Variants in NARS2 observed in about 807,000 individuals in gnomAD.
The protein encoded by NARS2 is asparaginyl-tRNA synthetase.
A neutral mutation model predicts 62.9 loss-of-function variants in NARS2; 60 were observed. The ratio of observed to expected loss-of-function variants is 0.95; its 90% CI spans 0.77 to 1.18. The LOEUF is 1.18. NARS2 is among the 50% of genes most tolerant of loss of function. NARS2 has a pLI of 0.00. For missense variants in NARS2, 619 were observed against 576.4 expected (o/e 1.07, Z -0.76); for synonymous variants, 196 against 200.0 (o/e 0.98, Z 0.17).
chr11:78,563,467 C>T (rs571625403), intron 4 of NARS2, among the ~76,000 whole-genome samples: 3 of 151,906 alleles, frequency 2.0e-5, no homozygotes, highest in Admixed American at 2.0e-4. Context: ...CTGCCTGCCT[C>T]GGCCTCCCAA....
chr11:78,488,347 G>A (rs1859667816), intron 7 of NARS2, among the ~76,000 whole-genome samples: 1 of 152,118 alleles, frequency 6.6e-6, no homozygotes, highest in Non-Finnish European at 1.5e-5. Flanking sequence ...TTACGTGAAA[G>A]AGGGAGGCAT....
At chr11:78,505,269 TACACACACACACACACACACACAC>T (rs10533814) in intron 6 of NARS2, among the ~76,000 whole-genome samples, 16 of 133,344 alleles carry the variant, frequency 1.2e-4, no homozygotes, top group South Asian at 5.0e-4. Context: ...GAAAACAAAA[TACACACACACACACACACACACAC>T]ACACACACAC....
chr11:78,468,541 A>G (rs1232072398), intron 10 of NARS2, among the ~76,000 whole-genome samples: 1 of 150,726 alleles, frequency 6.6e-6, no homozygotes, highest in East Asian at 2.0e-4. Context: ...AGTAGCTGGG[A>G]CTACAGGCGC....
intron 6 of NARS2, among the ~76,000 whole-genome samples, chr11:78,494,474 T>C (rs1458577793): frequency 2.0e-5 from 3 of 149,200 alleles, no homozygotes; most frequent in African/African-American, 7.3e-5. Flanking sequence ...TTTTTCTTTT[T>C]TTTTTTTTTT....
intron 1 of NARS2, 92 bp downstream of exon 1, chr11:78,574,256 T>G: frequency 6.5e-7 from 1 of 1,536,408 alleles, no homozygotes; most frequent in Non-Finnish European, 9.0e-7. Context: ...CTGGCGGTTG[T>G]GTCTGACCCG....
intron 1 of NARS2, among the ~76,000 whole-genome samples, chr11:78,572,332 C>T (rs988786400): frequency 2.6e-5 from 4 of 152,112 alleles, no homozygotes; most frequent in Admixed American, 2.6e-4. Flanking sequence ...AAAAACTTAA[C>T]GAAGTGGTTA....
intron 5 of NARS2, among the ~76,000 whole-genome samples, chr11:78,530,288 A>G (rs985352480): frequency 1.3e-5 from 2 of 152,144 alleles, no homozygotes; most frequent in Admixed American, 6.6e-5. Flanking sequence ...CTGTTCTCTG[A>G]TATTTCTTCA....
rs796905648 is a variant in NARS2 at position 78,439,973 on chromosome 11, G to A, written c.1289+1118C>T. ...TAAGCAGCTTGGATTTCTATAGTTC[G>A]TGGGGGCATTAGGGATCACTTAGCT... On this transcript the variant is annotated intron_variant, in intron 13 of 13. Coordinates refer to ENST00000281038, the MANE Select transcript of NARS2 (RefSeq NM_024678.6). Among the ~76,000 whole-genome samples the A allele has an allele frequency of 4.6e-5, 7 of 152,310 alleles. No individual in the cohort carries two copies. In the East Asian group the frequency reaches 1.3e-3, roughly 29 times the overall value.
At chr11:78,532,347 T>C (rs974676516) in intron 5 of NARS2, among the ~76,000 whole-genome samples, 1 of 152,116 alleles carries the variant, frequency 6.6e-6, no homozygotes, top group Non-Finnish European at 1.5e-5. Flanking sequence ...AAATGACAGA[T>C]TATGAATGAA....
At chr11:78,500,396 G>GT (rs1860236073) in intron 6 of NARS2, among the ~76,000 whole-genome samples, 1 of 152,198 alleles carries the variant, frequency 6.6e-6, no homozygotes, top group East Asian at 1.9e-4. Flanking sequence ...CAACTATATG[G>GT]TAAGAGAACA....
intron 11 of NARS2, among the ~76,000 whole-genome samples, chr11:78,461,782 A>G (rs1183877052): frequency 8.6e-6 from 1 of 115,962 alleles, no homozygotes; most frequent in African/African-American, 4.4e-5. Context: ...CGTACCCACT[A>G]CAAAAAAAAA....
chr11:78,481,769 G>C (rs1205334157), intron 7 of NARS2, among the ~76,000 whole-genome samples: 1 of 152,138 alleles, frequency 6.6e-6, no homozygotes, highest in Non-Finnish European at 1.5e-5. Flanking sequence ...TCTGATTTAA[G>C]AGACCACTCT....
chr11:78,497,800 T>C (rs995510148), intron 6 of NARS2, among the ~76,000 whole-genome samples: 2 of 152,152 alleles, frequency 1.3e-5, no homozygotes, highest in Middle Eastern at 3.2e-3. Context: ...ATAAAAGAGA[T>C]GCAGCCTTCA....
chr11:78,506,701 A>AG (rs1860512797), intron 6 of NARS2, among the ~76,000 whole-genome samples: 1 of 152,156 alleles, frequency 6.6e-6, no homozygotes. Context: ...ATGCCCAGCT[A>AG]ATTTTTGTAT....
At position 78,574,376 on chromosome 11, in the gene NARS2, T is replaced by C; in HGVS notation, c.113A>G (p.Asn38Ser). 2 of 1,614,204 alleles carry C rather than the reference T, an allele frequency of 1.2e-6. No homozygotes were observed. Among genetic ancestry groups the C allele is most frequent in the Non-Finnish European group, 1.7e-6 (2 of 1,180,024 alleles). ...GATCTTAATGCGCTCCCCACTCGCG[T>C]TCTGAGCCCCGAGAGCGTCCCGCAC... ...LSVRDALGAQNASGERIKIQG... is the reference protein window; with the variant it reads ...LSVRDALGAQSASGERIKIQG... Residue 38 changes from asparagine to serine, a missense_variant, in exon 1 of 14, where the codon AAC becomes AGC. Coordinates refer to ENST00000281038, the MANE Select transcript of NARS2 (RefSeq NM_024678.6).
intron 7 of NARS2, among the ~76,000 whole-genome samples, chr11:78,485,316 T>C (rs1051272326): frequency 5.3e-5 from 8 of 152,040 alleles, no homozygotes; most frequent in Non-Finnish European, 1.2e-4. Context: ...GATGGGTTGA[T>C]AGGTGCGGCA....
chr11:78,460,579 G>A (rs772711401), intron 11 of NARS2, among the ~76,000 whole-genome samples: 3 of 152,140 alleles, frequency 2.0e-5, no homozygotes, highest in Admixed American at 6.5e-5. Flanking sequence ...ATTTAGGAGC[G>A]CAAAACTGAC....
intron 5 of NARS2, among the ~76,000 whole-genome samples, chr11:78,553,596 C>T (rs981151579): frequency 1.3e-5 from 2 of 152,064 alleles, no homozygotes; most frequent in African/African-American, 4.8e-5. Context: ...GCCATTTGCC[C>T]ACTTTTTAAT....
chr11:78,477,618 G>A (rs1859157281), intron 9 of NARS2, among the ~76,000 whole-genome samples: 1 of 152,176 alleles, frequency 6.6e-6, no homozygotes, highest in Non-Finnish European at 1.5e-5. Context: ...ATAGTATTCT[G>A]AATGCTTCTA....
Sources: allele counts gnomAD v4.1 joint callset (sites outside exome capture counted in the v4.1 genomes callset), GRCh38; gene constraint gnomAD v4.1.1; transcripts MANE v1.5; gene names NCBI Gene and HGNC (gene_info 2026-07-23, HGNC 2026-07-21).